The following PIK3CD variants were observed in gnomAD, a reference collection of about 807,000 sequenced individuals.
PIK3CD encodes the protein phosphatidylinositol-4,5-bisphosphate 3-kinase catalytic subunit delta, also known as phosphatidylinositol 4,5-bisphosphate 3-kinase catalytic subunit delta isoform.
In PIK3CD, 20 loss-of-function variants were observed where a neutral mutation model predicts 122.9. The ratio of observed to expected loss-of-function variants is 0.16; its 90% CI spans 0.11 to 0.24. The LOEUF (loss-of-function observed/expected upper bound fraction) is 0.24, where lower values mean the gene tolerates loss of function less well. Ranked by LOEUF, PIK3CD falls within the 10% of genes least tolerant of loss-of-function variation. PIK3CD has a pLI of 1.00. For synonymous variants in PIK3CD, 596 were observed against 593.4 expected (o/e 1.00, Z -0.06); for missense variants, 787 against 1,406.3 (o/e 0.56, Z 7.04).
chr1:9,630,707 A>AGTGTGTGT, the PIK3CD span, among the ~76,000 whole-genome samples: 8,673 of 147,544 alleles, frequency 0.059, 368 homozygotes, highest in African/African-American at 0.11. Context: ...AAAGAAAGTG[A>AGTGTGTGT]GTGTGTGTGT....
In PIK3CD at chr1:9,720,587, G is replaced by A. The variant is rs369629182; in HGVS notation, c.1471-24G>A. On this transcript the variant is annotated intron_variant, in intron 11 of 23. Transcript: ENST00000377346. This position sits in a 1 kb window ranked among gnomAD's most constrained non-coding sequence, Gnocchi z 9.0. ...CGGGCTGGTCCAGGCCCCTGGGGACGCTGAGTGCAGCCGTTTGTTGCAGAT... is the reference window on the plus strand; with the variant it reads ...CGGGCTGGTCCAGGCCCCTGGGGACACTGAGTGCAGCCGTTTGTTGCAGAT... 6.4e-4 allele frequency: 997 copies of A among 1,549,120 alleles called. No homozygotes were observed. The highest frequency in any genetic ancestry group is 8.3e-4 in the Non-Finnish European group (957 of 1,146,766).
In PIK3CD at chr1:9,654,166, C is replaced by T. The variant is rs768099477; in HGVS notation, c.-138+2364C>T. On this transcript the variant is annotated intron_variant, in intron 1 of 23. Coordinates refer to ENST00000377346, the MANE Select transcript of PIK3CD (RefSeq NM_005026.5). Reference sequence around the variant, plus strand: ...CTTCCCCCGCCCTTCAGCCCCTGTTCAGAAACAGACTACATTGGCCACACT... The same window carrying T: ...CTTCCCCCGCCCTTCAGCCCCTGTTTAGAAACAGACTACATTGGCCACACT... 4 of 1,337,548 alleles carry T rather than the reference C, an allele frequency of 3.0e-6. No individual in the cohort carries two copies. In the South Asian group the frequency reaches 4.6e-5, roughly 15 times the overall value. 82.9% of individuals were successfully genotyped at this position (1,337,548 alleles called of 1,614,324 possible).
At position 9,669,736 on chromosome 1, in the gene PIK3CD, C is replaced by T; in HGVS notation, c.-138+17934C>T. Among the ~76,000 whole-genome samples, 2 of 152,152 alleles carry T rather than the reference C, an allele frequency of 1.3e-5. 1 individual carries two copies. The highest frequency in any genetic ancestry group is 1.3e-4 in the Admixed American group (2 of 15,272). ...GTGTGCTTGATGCCTGCATTTTCCT[C>T]TTTACTGCTGACCTGCTGTTGAGGA... On this transcript the variant is annotated intron_variant, in intron 1 of 23. Coordinates refer to ENST00000377346, the MANE Select transcript of PIK3CD (RefSeq NM_005026.5).
chr1:9,631,694 G>A, the PIK3CD span, among the ~76,000 whole-genome samples: 1 of 152,210 alleles, frequency 6.6e-6, no homozygotes, highest in African/African-American at 2.4e-5. Context: ...GGGGCAGGTC[G>A]GCCTAATGGC....
In PIK3CD at chr1:9,710,494, C is replaced by G. The variant is rs771088388; in HGVS notation, c.39C>G (p.Thr13=). 4 of 1,614,104 alleles carry G rather than the reference C, an allele frequency of 2.5e-6. No individual in the cohort carries two copies. In the South Asian group the frequency reaches 3.3e-5, roughly 13 times the overall value. Residue 13 remains threonine, a synonymous_variant, in exon 3 of 24, where the codon ACC becomes ACG. Transcript: ENST00000377346. This position sits in a 1 kb window ranked among gnomAD's most constrained non-coding sequence, Gnocchi z 4.7. The part of the protein sequence containing the change: ...PGVDCPMEFW[T]KEENQSVVVD... Reference sequence around the variant, plus strand: ...TGGACTGCCCCATGGAATTCTGGACCAAGGAGGAGAATCAGAGCGTTGTGG... The same window carrying G: ...TGGACTGCCCCATGGAATTCTGGACGAAGGAGGAGAATCAGAGCGTTGTGG...
chr1:9,657,673 A>G (rs887942668), intron 1 of PIK3CD, among the ~76,000 whole-genome samples: 1 of 151,712 alleles, frequency 6.6e-6, no homozygotes, highest in African/African-American at 2.4e-5. Flanking sequence ...ATCTTCAACA[A>G]CAGTCCCTGC....
Position 9,710,459 on chromosome 1 carries a change from C to A in PIK3CD, c.4C>A (p.Pro2Thr), listed in dbSNP as rs541082914. Residue 2 changes from proline (P) to threonine (T), a missense_variant, in exon 3 of 24, where the codon CCC becomes ACC. Pro to Thr is a conservative substitution (Grantham distance 38, BLOSUM62 -1). This residue lies in a region of PIK3CD where 592 missense variants were observed against 920.6 expected (regional missense o/e 0.64). Coordinates refer to ENST00000377346, the MANE Select transcript of PIK3CD (RefSeq NM_005026.5). This position sits in a 1 kb window ranked among gnomAD's most constrained non-coding sequence, Gnocchi z 4.7. M[P>T]PGVDCPMEFW... is the part of the protein sequence containing the mutation. The stretch of plus-strand genomic sequence containing the variant: ...ATCTGGGAAGTAACAACGCAGGATG[C>A]CCCCTGGGGTGGACTGCCCCATGGA... 141 of 1,613,946 alleles carry A rather than the reference C, an allele frequency of 8.7e-5. No individual in the cohort carries two copies. In the South Asian group the frequency reaches 1.1e-3, roughly 13 times the overall value.
chr1:9,652,760 G>C lies in PIK3CD; in HGVS notation c.-138+958G>C, dbSNP rs1015528936. The C allele has an allele frequency of 2.6e-5, 4 of 152,188 alleles. No homozygotes were observed. Among genetic ancestry groups the C allele is most frequent in the African/African-American group, 9.7e-5 (4 of 41,416 alleles). The allele number at this position is 152,188 out of a possible 1,614,324, so 9.4% of individuals were successfully genotyped here. On this transcript the variant is annotated intron_variant, in intron 1 of 23. Transcript: ENST00000377346. This position sits in a 1 kb window ranked among gnomAD's most constrained non-coding sequence, Gnocchi z 6.2. The stretch of plus-strand genomic sequence containing the variant: ...CAGGGCGGGGAGACGGGGGTCCAGA[G>C]AACCGGGGAAGGGCCGCTGGGAGGT...
chr1:9,716,759 T>A (rs1647535824), intron 6 of PIK3CD, 140 bp downstream of exon 6: 2 of 1,171,506 alleles, frequency 1.7e-6, no homozygotes, highest in Non-Finnish European at 2.5e-6. Context: ...CATCCCCTGG[T>A]AGGGCTGGCC....
intron 2 of PIK3CD, among the ~76,000 whole-genome samples, chr1:9,701,617 G>A (rs1448234106): frequency 1.3e-5 from 2 of 150,610 alleles, no homozygotes; most frequent in African/African-American, 2.5e-5. Context: ...TGCAGTGAGC[G>A]GAGATTGTGC....
rs34570604 is a variant in PIK3CD at position 9,727,808 on chromosome 1, C to CTTT, written c.*774_*776dup. The CTTT allele has an allele frequency of 9.7e-4, 165 of 170,348 alleles. 1 individual carries two copies. Among genetic ancestry groups the CTTT allele is most frequent in the East Asian group, 5.3e-3 (54 of 10,156 alleles). 10.6% of individuals were successfully genotyped at this position (170,348 alleles called of 1,614,324 possible). A position where few individuals can be genotyped will look rare whatever the true frequency, so the allele number is the denominator to read the frequency against. On this transcript the variant is annotated 3_prime_UTR_variant, in exon 24 of 24. Coordinates refer to ENST00000377346, the MANE Select transcript of PIK3CD (RefSeq NM_005026.5). ...AATACTCTGCCATTATCTCAAAAAT[C>CTTT]TTTTTTTTTTTTTTGAGATGGGGTC...
chr1:9,632,215 T>C, the PIK3CD span, among the ~76,000 whole-genome samples: 2 of 152,088 alleles, frequency 1.3e-5, no homozygotes, highest in African/African-American at 4.8e-5. Flanking sequence ...TTTCTCCATG[T>C]TGGTCAGGCT....
chr1:9,684,912 T>TC (rs1405376234), intron 1 of PIK3CD, among the ~76,000 whole-genome samples: 2 of 151,340 alleles, frequency 1.3e-5, no homozygotes, highest in Non-Finnish European at 2.9e-5. Context: ...CTTTTTTTTT[T>TC]TCTCTCTCTG....
chr1:9,708,246 C>T (rs1646918570), intron 2 of PIK3CD, among the ~76,000 whole-genome samples: 1 of 151,168 alleles, frequency 6.6e-6, no homozygotes. Context: ...TGCAGTGGCG[C>T]AATCTGCTCA....
chr1:9,639,249 A>T, the PIK3CD span, among the ~76,000 whole-genome samples: 1 of 152,032 alleles, frequency 6.6e-6, no homozygotes, highest in East Asian at 1.9e-4. Flanking sequence ...TTGGGGATTC[A>T]CGTGGGGTTA....
intron 1 of PIK3CD, among the ~76,000 whole-genome samples, chr1:9,670,879 T>C (rs1645300766): frequency 6.6e-6 from 1 of 151,918 alleles, no homozygotes; most frequent in Non-Finnish European, 1.5e-5. Context: ...TGCCTCAGCC[T>C]CCCGAGTAGC....
chr1:9,687,668 G>C (rs560447420), intron 1 of PIK3CD: 1 of 152,372 alleles, frequency 6.6e-6, no homozygotes, highest in Non-Finnish European at 1.5e-5. Flanking sequence ...GCCAGGGTGC[G>C]GGCGGGTGAG....
chr1:9,705,621 G>C (rs114393604), intron 2 of PIK3CD, among the ~76,000 whole-genome samples: 2,334 of 152,270 alleles, frequency 0.015, 22 homozygotes, highest in Middle Eastern at 0.02. Flanking sequence ...CAAAGGAATG[G>C]AATCTAGAAT....
intron 2 of PIK3CD, among the ~76,000 whole-genome samples, chr1:9,701,289 G>C (rs1057368968): frequency 4.6e-5 from 7 of 152,054 alleles, no homozygotes; most frequent in Admixed American, 4.6e-4. Flanking sequence ...GAGATCCCCT[G>C]CACCTCGTGT....
Sources: gnomAD v4.1 joint callset for allele counts (sites outside exome capture counted in the v4.1 genomes callset) on GRCh38, gnomAD v4.1.1 for gene constraint, gnomAD v4.1.1 regional missense constraint, Gnocchi (gnomAD v3.1) non-coding constraint, MANE v1.5 for transcripts, NCBI Gene and HGNC (gene_info 2026-07-23, HGNC 2026-07-21) for gene names.